The following UBTD2 variants were observed in gnomAD, a reference collection of about 807,000 sequenced individuals.
UBTD2 encodes ubiquitin domain-containing protein 2.
Under a neutral mutation model 19.8 loss-of-function variants are expected in UBTD2, and 9 were observed. The ratio of observed to expected loss-of-function variants is 0.46; its 90% CI spans 0.27 to 0.79. The LOEUF (loss-of-function observed/expected upper bound fraction) is 0.79. Among genes scored for constraint, UBTD2 ranks in the 30% least tolerant of loss-of-function variants. The pLI is 0.14. For synonymous variants in UBTD2, 98 were observed against 103.9 expected (o/e 0.94, Z 0.35); for missense variants, 250 against 300.4 (o/e 0.83, Z 1.24).
chr5:172,223,357 C>T (rs1014015048), intron 2 of UBTD2, among the ~76,000 whole-genome samples: 1 of 151,910 alleles, frequency 6.6e-6, no homozygotes, highest in Non-Finnish European at 1.5e-5. Context: ...GTAATCCCAG[C>T]ACTTTGGGAG....
chr5:172,269,598 C>T (rs1428943949), intron 1 of UBTD2, among the ~76,000 whole-genome samples: 1 of 151,806 alleles, frequency 6.6e-6, no homozygotes, highest in Non-Finnish European at 1.5e-5. Flanking sequence ...GAGTCGCACA[C>T]AGCTAATGGA....
rs959786190 is a variant in UBTD2 at position 172,283,065 on chromosome 5, G to A, written c.70+531C>T. ...GCGGCCACTGGAGACTCCTCCAGCCGAGCTCCAGAAACTCGCAGGTTTAAA... is the reference window on the plus strand; with the variant it reads ...GCGGCCACTGGAGACTCCTCCAGCCAAGCTCCAGAAACTCGCAGGTTTAAA... On this transcript the variant is annotated intron_variant, in intron 1 of 2. Coordinates refer to ENST00000393792, the MANE Select transcript of UBTD2 (RefSeq NM_152277.3). The surrounding 1 kb of genome is among the most constrained non-coding windows in gnomAD (Gnocchi z 4.3). 2.0e-5 allele frequency among the ~76,000 whole-genome samples: 3 copies of A among 152,026 alleles called. No homozygotes were observed. Among genetic ancestry groups the A allele is most frequent in the Non-Finnish European group, 2.9e-5 (2 of 68,014 alleles).
intron 1 of UBTD2, among the ~76,000 whole-genome samples, chr5:172,278,778 T>G (rs1210002178): frequency 6.6e-6 from 1 of 152,162 alleles, no homozygotes; most frequent in Non-Finnish European, 1.5e-5. Context: ...AATTTTATTT[T>G]TATTTATTTA....
At chr5:172,250,809 T>A (rs1036209134) in intron 1 of UBTD2, among the ~76,000 whole-genome samples, 1 of 151,780 alleles carries the variant, frequency 6.6e-6, no homozygotes, top group African/African-American at 2.4e-5. Context: ...GGCATGCACC[T>A]GTAGTACCAG....
Position 172,283,712 on chromosome 5 carries a change from CCCGCCGCCG to C in UBTD2, c.-56_-48del. The C allele has an allele frequency of 1.7e-6, 2 of 1,181,548 alleles. No individual in the cohort carries two copies. Among genetic ancestry groups the C allele is most frequent in the Non-Finnish European group, 1.1e-6 (1 of 949,786 alleles). 73.2% of individuals were successfully genotyped at this position (1,181,548 alleles called of 1,614,324 possible). On this transcript the variant is annotated 5_prime_UTR_variant, in exon 1 of 3. Coordinates refer to ENST00000393792, the MANE Select transcript of UBTD2 (RefSeq NM_152277.3). The surrounding 1 kb of genome is among the most constrained non-coding windows in gnomAD (Gnocchi z 4.3). Reference sequence around the variant, plus strand: ...CGCCACCTCCGGACGCTCGTCCGGGCCCGCCGCCGCCGCCGCTGCAGCCTCCTCCGGCGC... The same window carrying C: ...CGCCACCTCCGGACGCTCGTCCGGGCCCGCCGCTGCAGCCTCCTCCGGCGC...
chr5:172,247,229 A>T (rs1053743091), intron 1 of UBTD2, among the ~76,000 whole-genome samples: 1 of 152,166 alleles, frequency 6.6e-6, no homozygotes, highest in Non-Finnish European at 1.5e-5. Flanking sequence ...CATTAGACAA[A>T]GTAGACTTCA....
chr5:172,242,485 T>A (rs779729869), intron 1 of UBTD2: 42 of 925,716 alleles, frequency 4.5e-5, no homozygotes, highest in Non-Finnish European at 5.2e-5. Flanking sequence ...TATACGGCAA[T>A]GTGTGAAGAC....
chr5:172,276,609 G>A lies in UBTD2; in HGVS notation c.70+6987C>T, dbSNP rs181226712. 1.4e-4 allele frequency among the ~76,000 whole-genome samples: 22 copies of A among 152,108 alleles called. No homozygotes were observed. The East Asian group carries it at 3.1e-3, about 21-fold the overall frequency. ...ACTGGGGTGAAGATCAGTCCCCCAC[G>A]CCTTCTGACCCCGTAATGTGGGCCA... On this transcript the variant is annotated intron_variant, in intron 1 of 2. Coordinates refer to ENST00000393792, the MANE Select transcript of UBTD2 (RefSeq NM_152277.3).
At chr5:172,242,546 G>A in intron 1 of UBTD2, 1 of 480,914 alleles carries the variant, frequency 2.1e-6, no homozygotes, top group Non-Finnish European at 2.7e-6. Context: ...TAGGAAGTTA[G>A]GTTTAGAAGC....
At chr5:172,266,885 T>C (rs1755389617) in intron 1 of UBTD2, among the ~76,000 whole-genome samples, 1 of 151,890 alleles carries the variant, frequency 6.6e-6, no homozygotes, top group South Asian at 2.1e-4. Context: ...AAAAAAAATT[T>C]AGAGATCAGC....
At chr5:172,264,624 T>A (rs958602468) in intron 1 of UBTD2, among the ~76,000 whole-genome samples, 3 of 148,914 alleles carry the variant, frequency 2.0e-5, no homozygotes, top group Admixed American at 6.7e-5. Flanking sequence ...ATGCCTGTAA[T>A]CCACTTTGGG....
intron 2 of UBTD2, among the ~76,000 whole-genome samples, chr5:172,218,787 A>ATT (rs1771594925): frequency 1.5e-5 from 1 of 65,438 alleles, no homozygotes; most frequent in African/African-American, 6.6e-5. Context: ...AAAAAAAAAA[A>ATT]AATAAAAAAA....
At chr5:172,272,152 C>T (rs1271387087) in intron 1 of UBTD2, among the ~76,000 whole-genome samples, 1 of 152,190 alleles carries the variant, frequency 6.6e-6, no homozygotes, top group Non-Finnish European at 1.5e-5. Flanking sequence ...ATAGGCATCA[C>T]AACACCCAAT....
intron 1 of UBTD2, among the ~76,000 whole-genome samples, chr5:172,235,990 C>T (rs1376038426): frequency 6.6e-6 from 1 of 152,172 alleles, no homozygotes; most frequent in Non-Finnish European, 1.5e-5. Flanking sequence ...CAAACTGGTT[C>T]TAAAGCATCC....
At chr5:172,248,723 C>T (rs1754931741) in intron 1 of UBTD2, among the ~76,000 whole-genome samples, 1 of 151,430 alleles carries the variant, frequency 6.6e-6, no homozygotes, top group Admixed American at 6.6e-5. Context: ...GAATGCACCA[C>T]TGTATTCCAG....
chr5:172,256,309 C>T (rs1755148274), intron 1 of UBTD2, among the ~76,000 whole-genome samples: 1 of 152,146 alleles, frequency 6.6e-6, no homozygotes, highest in Admixed American at 6.5e-5. Context: ...AACACACACA[C>T]ACCTTAAGTC....
At chr5:172,242,038 T>A (rs756881161) in intron 1 of UBTD2, among the ~76,000 whole-genome samples, 23 of 152,156 alleles carry the variant, frequency 1.5e-4, no homozygotes, top group Non-Finnish European at 3.1e-4. Flanking sequence ...GCCCTTCCCA[T>A]GAGATCTGGT....
intron 2 of UBTD2, among the ~76,000 whole-genome samples, chr5:172,219,444 A>G (rs1188375582): frequency 6.6e-6 from 1 of 152,200 alleles, no homozygotes; most frequent in Non-Finnish European, 1.5e-5. Context: ...CTGGCCTGGG[A>G]CATGAATCAA....
intron 2 of UBTD2, among the ~76,000 whole-genome samples, chr5:172,221,434 T>A (rs780141291): frequency 9.2e-5 from 14 of 152,108 alleles, no homozygotes; most frequent in Non-Finnish European, 1.6e-4. Flanking sequence ...CCCAGCAGTT[T>A]GAGGCTGCAG....
Sources: gnomAD v4.1 joint callset for allele counts (sites outside exome capture counted in the v4.1 genomes callset) on GRCh38, gnomAD v4.1.1 for gene constraint, Gnocchi (gnomAD v3.1) non-coding constraint, MANE v1.5 for transcripts, NCBI Gene and HGNC (gene_info 2026-07-23, HGNC 2026-07-21) for gene names.